SHISA9: variants seen among roughly 807,000 people sequenced by gnomAD.
SHISA9 encodes the protein protein shisa-9.
A neutral mutation model predicts 38.0 loss-of-function variants in SHISA9; 13 were observed. The observed-to-expected ratio is 0.34, with a 90% CI of 0.22 to 0.54. The LOEUF is 0.54. Ranked by LOEUF, SHISA9 falls within the 20% of genes least tolerant of loss-of-function variation. The pLI is 0.91. For synonymous variants in SHISA9, 275 were observed against 242.0 expected (o/e 1.14, Z -1.27); for missense variants, 538 against 575.8 (o/e 0.93, Z 0.67).
chr16:13,319,830 A>G, the SHISA9 span, among the ~76,000 whole-genome samples: 1 of 151,776 alleles, frequency 6.6e-6, no homozygotes, highest in Non-Finnish European at 1.5e-5. Context: ...AGGCCAAGGA[A>G]CAGAACGCAT....
the SHISA9 span, among the ~76,000 whole-genome samples, chr16:13,491,871 C>G: frequency 2.2e-5 from 2 of 89,074 alleles, no homozygotes; most frequent in African/African-American, 9.4e-5. Flanking sequence ...AGATAGGGGT[C>G]TCTCTATGTT....
At chr16:13,252,800 G>A in the SHISA9 span, among the ~76,000 whole-genome samples, 2 of 152,236 alleles carry the variant, frequency 1.3e-5, no homozygotes, top group African/African-American at 2.4e-5. Flanking sequence ...CACCTACCAC[G>A]GTACCTGGAA....
chr16:13,221,482 A>C (rs1405589787), intron 4 of SHISA9, among the ~76,000 whole-genome samples: 32 of 145,182 alleles, frequency 2.2e-4, no homozygotes, highest in African/African-American at 3.8e-4. Context: ...TTTCCCTATC[A>C]CTTTTTAATT....
At chr16:12,916,859 C>T in intron 2 of SHISA9, 44 bp downstream of exon 2, 1 of 1,539,918 alleles carries the variant, frequency 6.5e-7, no homozygotes, top group Non-Finnish European at 8.8e-7. Context: ...ATGGGGTGAC[C>T]TGAGCAGTGG....
intron 2 of SHISA9, among the ~76,000 whole-genome samples, chr16:12,956,323 A>G (rs895519613): frequency 2.3e-4 from 35 of 152,354 alleles, no homozygotes; most frequent in African/African-American, 6.7e-4. Context: ...CAGTATAGAG[A>G]TATCTCAAAG....
At chr16:12,929,360 T>C (rs888946543) in intron 2 of SHISA9, among the ~76,000 whole-genome samples, 18 of 152,164 alleles carry the variant, frequency 1.2e-4, no homozygotes, top group African/African-American at 4.3e-4. Flanking sequence ...CGCAGCAATA[T>C]TCACAATAGT....
chr16:13,384,326 T>A, the SHISA9 span, among the ~76,000 whole-genome samples: 1 of 152,206 alleles, frequency 6.6e-6, no homozygotes, highest in African/African-American at 2.4e-5. Context: ...GGTGGTGAGA[T>A]GCTAGGAAAT....
intron 4 of SHISA9, among the ~76,000 whole-genome samples, chr16:13,234,745 G>A (rs1285597837): frequency 6.6e-6 from 1 of 152,178 alleles, no homozygotes; most frequent in Non-Finnish European, 1.5e-5. Flanking sequence ...TGGCAGAATG[G>A]TAGGTGGGAC....
intron 2 of SHISA9, among the ~76,000 whole-genome samples, chr16:12,972,485 C>T (rs887210342): frequency 6.6e-6 from 1 of 152,136 alleles, no homozygotes; most frequent in African/African-American, 2.4e-5. Context: ...AAGGATGAAT[C>T]ATACAGAATC....
the SHISA9 span, among the ~76,000 whole-genome samples, chr16:13,501,945 T>C: frequency 0.01 from 1,562 of 150,642 alleles, 32 homozygotes; most frequent in African/African-American, 0.037. Flanking sequence ...GAGGTTGCAG[T>C]GAGCCGAGAT....
intron 2 of SHISA9, among the ~76,000 whole-genome samples, chr16:13,036,749 A>AC (rs1491163690): frequency 1.2e-4 from 3 of 24,968 alleles, no homozygotes; most frequent in African/African-American, 2.8e-4. Flanking sequence ...TCAGAGGAGG[A>AC]AAAAAAAAAA....
At chr16:13,102,881 A>C (rs1226158852) in intron 2 of SHISA9, among the ~76,000 whole-genome samples, 1 of 152,168 alleles carries the variant, frequency 6.6e-6, no homozygotes, top group Non-Finnish European at 1.5e-5. Flanking sequence ...TAAATTGCTC[A>C]CTCAACTTCC....
chr16:13,418,274 C>T, the SHISA9 span, among the ~76,000 whole-genome samples: 7 of 152,044 alleles, frequency 4.6e-5, no homozygotes, highest in Non-Finnish European at 8.8e-5. Flanking sequence ...AACTTAGTGG[C>T]ATGAAAGAAT....
intron 2 of SHISA9, among the ~76,000 whole-genome samples, chr16:13,078,117 G>A (rs2073604704): frequency 6.6e-6 from 1 of 152,206 alleles, no homozygotes; most frequent in Non-Finnish European, 1.5e-5. Context: ...ATTCTCTTGA[G>A]TAGTAATAAT....
intron 2 of SHISA9, among the ~76,000 whole-genome samples, chr16:12,992,373 A>AG (rs201151932): frequency 0.039 from 5,950 of 150,972 alleles, 399 homozygotes; most frequent in African/African-American, 0.14. Context: ...AAAAAAAAAA[A>AG]AAAAAAAAGT....
chr16:13,132,220 A>C (rs1596670416), intron 2 of SHISA9, among the ~76,000 whole-genome samples: 1 of 152,162 alleles, frequency 6.6e-6, no homozygotes, highest in East Asian at 1.9e-4. Context: ...TGTGTGTCTT[A>C]GTTGCCTCAT....
chr16:13,045,640 G>C (rs1348702481), intron 2 of SHISA9, among the ~76,000 whole-genome samples: 5 of 138,180 alleles, frequency 3.6e-5, no homozygotes, highest in Admixed American at 7.3e-5. Context: ...GGGAGAGGGA[G>C]AAATCAGTAA....
At chr16:13,531,019 A>C in the SHISA9 span, among the ~76,000 whole-genome samples, 1 of 152,352 alleles carries the variant, frequency 6.6e-6, no homozygotes, top group Non-Finnish European at 1.5e-5. Context: ...GCCAACAGTG[A>C]GTAAAGCAGA....
chr16:12,942,308 A>G (rs1366235928), intron 2 of SHISA9, among the ~76,000 whole-genome samples: 6 of 152,184 alleles, frequency 3.9e-5, no homozygotes, highest in Admixed American at 3.9e-4. Flanking sequence ...AAAGGGCAGA[A>G]ATGGGCTGAG....
Sources: gnomAD v4.1 joint callset for allele counts (sites outside exome capture counted in the v4.1 genomes callset) on GRCh38, gnomAD v4.1.1 for gene constraint, MANE v1.5 for transcripts, NCBI Gene and HGNC (gene_info 2026-07-23, HGNC 2026-07-21) for gene names.